Variants in CHSY1 observed in about 807,000 individuals in gnomAD.
The protein encoded by CHSY1 is N-acetylgalactosaminyl-proteoglycan 3-beta-glucuronosyltransferase 1.
A neutral mutation model predicts 59.8 loss-of-function variants in CHSY1; 13 were observed. The ratio of observed to expected loss-of-function variants is 0.22; its 90% CI spans 0.14 to 0.35. The LOEUF is 0.35. Among genes scored for constraint, CHSY1 ranks in the 10% least tolerant of loss-of-function variants. CHSY1 has a pLI of 1.00. For missense variants in CHSY1, 947 were observed against 1,030.6 expected (o/e 0.92, Z 1.11); for synonymous variants, 459 against 401.2 (o/e 1.14, Z -1.72).
At chr15:101,193,334 C>T (rs1353526599) in intron 2 of CHSY1, among the ~76,000 whole-genome samples, 1 of 152,250 alleles carries the variant, frequency 6.6e-6, no homozygotes, top group Non-Finnish European at 1.5e-5. Context: ...AAGGCCTCTC[C>T]AGCAGGGAAA....
intron 2 of CHSY1, among the ~76,000 whole-genome samples, chr15:101,218,272 G>C (rs1430303213): frequency 6.6e-6 from 1 of 152,162 alleles, no homozygotes; most frequent in Non-Finnish European, 1.5e-5. Flanking sequence ...ATAAAGTATA[G>C]ATTTTTATCT....
rs573238475 is a variant in CHSY1 at position 101,245,847 on chromosome 15, TG to T, written c.320+5289del. Among the ~76,000 whole-genome samples, 13 of 152,340 alleles carry T rather than the reference TG, an allele frequency of 8.5e-5. No individual in the cohort carries two copies. In the South Asian group the frequency reaches 2.5e-3, roughly 29 times the overall value. ...GTGCTCCAAAAGTTCACTTACAGGTTGATTATTTGGATTTTACATGGAAAAG... is the reference window on the plus strand; with the variant it reads ...GTGCTCCAAAAGTTCACTTACAGGTTATTATTTGGATTTTACATGGAAAAG... On this transcript the variant is annotated intron_variant, in intron 1 of 2. Transcript: ENST00000254190.
chr15:101,244,882 G>A (rs1011607488), intron 1 of CHSY1, among the ~76,000 whole-genome samples: 1 of 152,166 alleles, frequency 6.6e-6, no homozygotes, highest in African/African-American at 2.4e-5. Flanking sequence ...TAAAATACCT[G>A]AAATTTCCAC....
Position 101,244,594 on chromosome 15 carries a change from G to A in CHSY1, c.320+6543C>T, listed in dbSNP as rs773631444. Among the ~76,000 whole-genome samples the A allele has an allele frequency of 3.9e-4, 60 of 152,334 alleles. No homozygotes were observed. The Middle Eastern group carries it at 0.014, about 35-fold the overall frequency. On this transcript the variant is annotated intron_variant, in intron 1 of 2. Coordinates refer to ENST00000254190, the MANE Select transcript of CHSY1 (RefSeq NM_014918.5). ...AGAATATATAGAAAAGAGCTAAGAA[G>A]AATATAAAAGATCACTTGGCATCAC...
At position 101,202,161 on chromosome 15, in the gene CHSY1, G is replaced by GA. The variant is rs1351716232; in HGVS notation, c.817-23182_817-23181insT. 8.3e-4 allele frequency among the ~76,000 whole-genome samples: 119 copies of GA among 143,350 alleles called. 23 individuals are homozygous for GA. The highest frequency in any genetic ancestry group is 1.3e-3 in the Admixed American group (19 of 14,468). The allele number at this position is 143,350 out of a possible 152,430, so 94.0% of individuals were successfully genotyped here. A position where few individuals can be genotyped will look rare whatever the true frequency, so the allele number is the denominator to read the frequency against. On this transcript the variant is annotated intron_variant, in intron 2 of 2. Transcript: ENST00000254190. ...GGAAGGATGGAGGGCATTTCTGCAGGGGGGGCAGTGGGATCTCAGACACAG... is the reference window on the plus strand; with the variant it reads ...GGAAGGATGGAGGGCATTTCTGCAGGAGGGGGCAGTGGGATCTCAGACACAG...
At chr15:101,218,090 G>C (rs893271309) in intron 2 of CHSY1, among the ~76,000 whole-genome samples, 4 of 152,108 alleles carry the variant, frequency 2.6e-5, no homozygotes, top group Admixed American at 6.5e-5. Flanking sequence ...AAAAACATCA[G>C]ACAAATCCGA....
intron 2 of CHSY1, among the ~76,000 whole-genome samples, chr15:101,229,339 A>G (rs1200756066): frequency 1.3e-5 from 2 of 152,200 alleles, no homozygotes; most frequent in Non-Finnish European, 2.9e-5. Flanking sequence ...ACATTCAAAG[A>G]CACAAACAAG....
chr15:101,241,567 A>G (rs185784776), intron 1 of CHSY1, among the ~76,000 whole-genome samples: 1 of 152,320 alleles, frequency 6.6e-6, no homozygotes, highest in Non-Finnish European at 1.5e-5. Context: ...CCAACAAGAA[A>G]AACTGAAAGA....
Position 101,183,908 on chromosome 15 carries a change from G to A in CHSY1, c.817-4928C>T, listed in dbSNP as rs142476995. Among the ~76,000 whole-genome samples the A allele has an allele frequency of 5.4e-3, 819 of 152,304 alleles. 30 individuals are homozygous for A. Among genetic ancestry groups the A allele is most frequent in the Non-Finnish European group, 1.4e-3 (98 of 68,026 alleles). On this transcript the variant is annotated intron_variant, in intron 2 of 2. Transcript: ENST00000254190. ...GTTACACATGGTAAACGGCATACAA[G>A]GATAAGGCTGGGCTCCTCTGGCCAG... is the stretch of plus-strand genomic sequence containing the variant.
intron 2 of CHSY1, among the ~76,000 whole-genome samples, chr15:101,202,028 C>T (rs2038579267): frequency 1.3e-5 from 2 of 152,256 alleles, no homozygotes; most frequent in South Asian, 4.1e-4. Context: ...ATTCCATGAG[C>T]TTTAGCAATT....
At chr15:101,193,019 C>T (rs2038464425) in intron 2 of CHSY1, among the ~76,000 whole-genome samples, 1 of 152,234 alleles carries the variant, frequency 6.6e-6, no homozygotes, top group South Asian at 2.1e-4. Context: ...CAAGGACCTA[C>T]CCTGTATGCA....
intron 2 of CHSY1, among the ~76,000 whole-genome samples, chr15:101,218,678 T>C (rs116291313): frequency 0.032 from 4,932 of 152,280 alleles, 268 homozygotes; most frequent in African/African-American, 0.11. Context: ...AGGTGGGAGA[T>C]TGTTTGAGCC....
chr15:101,195,155 G>A (rs908967717), intron 2 of CHSY1, among the ~76,000 whole-genome samples: 20 of 152,052 alleles, frequency 1.3e-4, no homozygotes, highest in African/African-American at 7.2e-5. Flanking sequence ...TTCTGGAAAC[G>A]GGAGGAATCA....
chr15:101,186,147 CAAA>C (rs35398576), intron 2 of CHSY1, among the ~76,000 whole-genome samples: 1 of 79,586 alleles, frequency 1.3e-5, no homozygotes, highest in Admixed American at 1.4e-4. Context: ...TTGTCTCTAC[CAAA>C]AAAAAAAAAA....
At chr15:101,202,839 G>A (rs1051798378) in intron 2 of CHSY1, among the ~76,000 whole-genome samples, 1 of 152,146 alleles carries the variant, frequency 6.6e-6, no homozygotes, top group East Asian at 1.9e-4. Context: ...ATTATGTAAT[G>A]GTAATCAAAC....
chr15:101,218,253 G>A lies in CHSY1; in HGVS notation c.816+16829C>T, dbSNP rs150679777. Among the ~76,000 whole-genome samples, 522 of 152,324 alleles carry A rather than the reference G, an allele frequency of 3.4e-3. 3 individuals carry two copies. Among genetic ancestry groups the A allele is most frequent in the African/African-American group, 0.011 (456 of 41,566 alleles). On this transcript the variant is annotated intron_variant, in intron 2 of 2. Transcript: ENST00000254190. Reference sequence around the variant, plus strand: ...AAAAAGACAGCAGGTCAAAGCTAAGGACATTTAAATAAAGTATAGATTTTT... The same window carrying A: ...AAAAAGACAGCAGGTCAAAGCTAAGAACATTTAAATAAAGTATAGATTTTT...
rs1458091343 is a variant in CHSY1 at position 101,176,054 on chromosome 15, T to A, written c.*1334A>T. The A allele has an allele frequency of 2.6e-6, 1 of 386,842 alleles. No individual in the cohort carries two copies. Among genetic ancestry groups the A allele is most frequent in the South Asian group, 1.5e-4 (1 of 6,890 alleles). The allele number at this position is 386,842 out of a possible 1,614,324, so 24.0% of individuals were successfully genotyped here. On this transcript the variant is annotated 3_prime_UTR_variant, in exon 3 of 3. Transcript: ENST00000254190. ...AAAATTGTCAAAGAACACTTAATAT[T>A]TAGTAAAACAGTAAGGAATATAAAA...
chr15:101,191,771 G>A (rs2141247453), intron 2 of CHSY1, among the ~76,000 whole-genome samples: 1 of 152,064 alleles, frequency 6.6e-6, no homozygotes, highest in Non-Finnish European at 1.5e-5. Flanking sequence ...AACCTATTAG[G>A]GAAAAAACAT....
At chr15:101,205,508 T>C (rs1454720504) in intron 2 of CHSY1, among the ~76,000 whole-genome samples, 1 of 152,224 alleles carries the variant, frequency 6.6e-6, no homozygotes, top group Non-Finnish European at 1.5e-5. Context: ...TATAGCTACT[T>C]GTGAAAAGAC....
Sources: allele counts gnomAD v4.1 joint callset (sites outside exome capture counted in the v4.1 genomes callset), GRCh38; gene constraint gnomAD v4.1.1; transcripts MANE v1.5; gene names NCBI Gene and HGNC (gene_info 2026-07-23, HGNC 2026-07-21).